ROBO1: variants seen among roughly 807,000 people sequenced by gnomAD.
The protein encoded by ROBO1 is roundabout guidance receptor 1.
Under a neutral mutation model 195.9 loss-of-function variants are expected in ROBO1, and 149 were observed. The observed-to-expected ratio is 0.76, with a 90% CI of 0.67 to 0.87. ROBO1 has a LOEUF of 0.87. Among genes scored for constraint, ROBO1 ranks in the 40% least tolerant of loss-of-function variants. ROBO1 has a pLI of 0.00. For synonymous variants in ROBO1, 816 were observed against 733.2 expected (o/e 1.11, Z -1.82); for missense variants, 1,933 against 2,068.3 (o/e 0.93, Z 1.27).
At chr3:78,614,375 T>C (rs1703982143) in intron 28 of ROBO1, among the ~76,000 whole-genome samples, 1 of 152,240 alleles carries the variant, frequency 6.6e-6, no homozygotes, top group Non-Finnish European at 1.5e-5. Flanking sequence ...TACAGTGATG[T>C]TCATTTGTTT....
At chr3:79,543,398 G>A (rs968182528) in intron 2 of ROBO1, among the ~76,000 whole-genome samples, 5 of 151,852 alleles carry the variant, frequency 3.3e-5, no homozygotes, top group African/African-American at 9.7e-5. Context: ...CTTGCACAGG[G>A]GTATGAAATT....
At chr3:79,501,480 T>C (rs915353277) in intron 2 of ROBO1, among the ~76,000 whole-genome samples, 4 of 152,202 alleles carry the variant, frequency 2.6e-5, no homozygotes, top group African/African-American at 9.7e-5. Flanking sequence ...GTAATGGTGA[T>C]GACCCTTAGA....
At chr3:79,070,942 A>G (rs2079078251) in intron 3 of ROBO1, among the ~76,000 whole-genome samples, 1 of 151,756 alleles carries the variant, frequency 6.6e-6, no homozygotes, top group Non-Finnish European at 1.5e-5. Flanking sequence ...ATTAAGGTAT[A>G]GTTGAAAAAT....
At chr3:79,370,201 G>GA (rs536594834) in intron 2 of ROBO1, among the ~76,000 whole-genome samples, 1,725 of 141,456 alleles carry the variant, frequency 0.012, 25 homozygotes, top group African/African-American at 0.037. Context: ...TTAAAAATTG[G>GA]AAAAAAAAAA....
intron 4 of ROBO1, among the ~76,000 whole-genome samples, chr3:78,925,832 C>G (rs1024212433): frequency 6.6e-6 from 1 of 151,438 alleles, no homozygotes; most frequent in Admixed American, 6.6e-5. Flanking sequence ...GAAAAAGAGC[C>G]CAGGTGGAAG....
chr3:79,347,944 G>T (rs1461419052), intron 2 of ROBO1, among the ~76,000 whole-genome samples: 1 of 152,096 alleles, frequency 6.6e-6, no homozygotes, highest in Non-Finnish European at 1.5e-5. Context: ...GGGCGCAGTG[G>T]CTCATGCCTG....
At chr3:79,150,850 T>C (rs1049104536) in intron 2 of ROBO1, among the ~76,000 whole-genome samples, 2 of 151,796 alleles carry the variant, frequency 1.3e-5, no homozygotes, top group African/African-American at 4.8e-5. Flanking sequence ...AAGGATAGAA[T>C]CCTCTACCTT....
chr3:79,019,960 CCTTTT>C (rs1384919944), intron 3 of ROBO1, among the ~76,000 whole-genome samples: 5 of 152,146 alleles, frequency 3.3e-5, no homozygotes, highest in African/African-American at 4.8e-5. Flanking sequence ...TTACAACCAT[CCTTTT>C]CTTTTAAGTT....
At chr3:79,147,224 A>G (rs938743971) in intron 2 of ROBO1, among the ~76,000 whole-genome samples, 5 of 151,964 alleles carry the variant, frequency 3.3e-5, no homozygotes, top group African/African-American at 1.2e-4. Flanking sequence ...TTAAAGCCTG[A>G]TTTTACTCTA....
chr3:78,964,193 GCCA>G (rs1233447394), intron 3 of ROBO1, among the ~76,000 whole-genome samples: 1 of 152,118 alleles, frequency 6.6e-6, no homozygotes, highest in African/African-American at 2.4e-5. Context: ...TAAGGACACA[GCCA>G]TATTGGATTA....
chr3:78,729,155 A>C (rs1012961605), intron 5 of ROBO1, among the ~76,000 whole-genome samples: 10 of 152,168 alleles, frequency 6.6e-5, no homozygotes, highest in Non-Finnish European at 1.5e-4. Context: ...TTTCTTCCTC[A>C]TAACAATTGA....
intron 1 of ROBO1, among the ~76,000 whole-genome samples, chr3:79,726,141 T>G (rs1702916617): frequency 6.6e-6 from 1 of 152,216 alleles, no homozygotes; most frequent in Admixed American, 6.5e-5. Flanking sequence ...CCATAACTAT[T>G]GCACTGTTGT....
At chr3:78,752,416 G>A (rs2082820305) in intron 4 of ROBO1, among the ~76,000 whole-genome samples, 1 of 151,942 alleles carries the variant, frequency 6.6e-6, no homozygotes, top group East Asian at 1.9e-4. Flanking sequence ...CACCTTTTTG[G>A]GAAACAGTAA....
At chr3:79,708,543 A>G (rs1277763383) in intron 1 of ROBO1, among the ~76,000 whole-genome samples, 1 of 152,138 alleles carries the variant, frequency 6.6e-6, no homozygotes, top group Non-Finnish European at 1.5e-5. Context: ...CTACATGAAG[A>G]AAAGAAAGGA....
chr3:79,118,007 T>C (rs933746211), intron 3 of ROBO1, among the ~76,000 whole-genome samples: 1 of 152,178 alleles, frequency 6.6e-6, no homozygotes, highest in Non-Finnish European at 1.5e-5. Context: ...ATAATTGCCA[T>C]AGGGCCACAA....
At chr3:79,749,606 A>G (rs377281984) in intron 1 of ROBO1, among the ~76,000 whole-genome samples, 90 of 152,276 alleles carry the variant, frequency 5.9e-4, no homozygotes, top group African/African-American at 2.1e-3. Context: ...TGTTCAGCCT[A>G]GGGACTTGGT....
chr3:78,785,810 C>A (rs1158590638), intron 4 of ROBO1, among the ~76,000 whole-genome samples: 1 of 152,016 alleles, frequency 6.6e-6, no homozygotes, highest in Non-Finnish European at 1.5e-5. Flanking sequence ...TTTTGTTTTG[C>A]AAGTTATTAT....
In ROBO1 at chr3:79,558,289, A is replaced by G. The variant is rs535610401; in HGVS notation, c.88+31535T>C. 5.9e-5 allele frequency among the ~76,000 whole-genome samples: 9 copies of G among 152,256 alleles called. No individual in the cohort carries two copies. The South Asian group carries it at 1.7e-3, about 28-fold the overall frequency. On this transcript the variant is annotated intron_variant, in intron 2 of 30. Coordinates refer to ENST00000464233, the MANE Select transcript of ROBO1 (RefSeq NM_002941.4). ...CTTCTTCTTCCGCTTCAGTCTACTC[A>G]ACGTAAAGACGATGAAGGAACACTC...
chr3:78,629,971 T>C (rs1705080469), intron 25 of ROBO1, among the ~76,000 whole-genome samples: 4 of 152,176 alleles, frequency 2.6e-5, no homozygotes, highest in Admixed American at 2.6e-4. Context: ...TTAAGCTTTA[T>C]ATTAGTGATT....
Sources: gnomAD v4.1 joint callset for allele counts (sites outside exome capture counted in the v4.1 genomes callset) on GRCh38, gnomAD v4.1.1 for gene constraint, MANE v1.5 for transcripts, NCBI Gene and HGNC (gene_info 2026-07-23, HGNC 2026-07-21) for gene names.